Variants in SLC38A10 observed in about 807,000 individuals in gnomAD.
SLC38A10 encodes the protein Sodium-coupled neutral amino acid transporter 10.
In SLC38A10, 53 loss-of-function variants were observed where a neutral mutation model predicts 81.0. The observed-to-expected ratio is 0.65, with a 90% confidence interval of 0.53 to 0.82. The LOEUF is 0.82. Among genes scored for constraint, SLC38A10 ranks in the 40% least tolerant of loss-of-function variants. The probability of loss-of-function intolerance (pLI) is 0.00; values close to 1 mark genes in which losing one functional copy is unlikely to be tolerated. For synonymous variants in SLC38A10, 665 were observed against 655.3 expected (o/e 1.01, Z -0.23); for missense variants, 1,471 against 1,545.0 (o/e 0.95, Z 0.80).
In SLC38A10 at chr17:81,276,148, C is replaced by T; in HGVS notation, c.733G>A (p.Gly245Arg). The change falls in exon 8 of 16, where the codon GGG becomes AGG. Residue 245 changes from glycine to arginine, a missense_variant. By Grantham distance (125) the Gly-to-Arg change is moderately radical (BLOSUM62 -2). Around this residue, in one of 2 missense-constraint regions of SLC38A10, gnomAD observed 720 missense variants for 827.7 expected, o/e 0.87. Coordinates refer to ENST00000374759, the MANE Select transcript of SLC38A10 (RefSeq NM_001037984.3). The surrounding 1 kb of genome is among the most constrained non-coding windows in gnomAD (Gnocchi z 4.7). Reference protein sequence around the residue: ...NVVTTFYVMVGFFGYVSFTEA... With the variant: ...NVVTTFYVMVRFFGYVSFTEA... ...GTGAAGCTGACGTAGCCGAAAAACC[C>T]CACCTGTTGGAGAATAAGAAATGGC... is the stretch of plus-strand genomic sequence containing the variant. 3 of 1,609,694 alleles carry T rather than the reference C, an allele frequency of 1.9e-6. No homozygotes were observed. The highest frequency in any genetic ancestry group is 1.7e-6 in the Non-Finnish European group (2 of 1,177,280).
chr17:81,274,895 G>C (rs771951040), intron 8 of SLC38A10, among the ~76,000 whole-genome samples: 11 of 152,168 alleles, frequency 7.2e-5, no homozygotes, highest in Non-Finnish European at 1.3e-4. Flanking sequence ...AAAAAACCCA[G>C]CCTCACTTTT....
chr17:81,248,524 G>A (rs559241833), intron 14 of SLC38A10, among the ~76,000 whole-genome samples: 4 of 152,388 alleles, frequency 2.6e-5, no homozygotes, highest in Admixed American at 2.0e-4. Context: ...TGCCGCAAGC[G>A]GCTGTGACTT....
At position 81,245,349 on chromosome 17, in the gene SLC38A10, C is replaced by G. The variant is rs1407050871; in HGVS notation, c.*207G>C. On this transcript the variant is annotated 3_prime_UTR_variant, in exon 16 of 16. Coordinates refer to ENST00000374759, the MANE Select transcript of SLC38A10 (RefSeq NM_001037984.3). ...AGGTCAGAGGACCTCAGACTAAGAG[C>G]TGCAACAGAACGACAGCAAGAACAT... 6 of 624,430 alleles carry G rather than the reference C, an allele frequency of 9.6e-6. No homozygotes were observed. In the East Asian group the frequency reaches 1.6e-4, roughly 16 times the overall value. 38.7% of individuals were successfully genotyped at this position (624,430 alleles called of 1,614,324 possible).
chr17:81,252,982 G>T, intron 12 of SLC38A10, 91 bp downstream of exon 12: 2 of 1,477,028 alleles, frequency 1.4e-6, no homozygotes, highest in Non-Finnish European at 1.8e-6. Context: ...GATACACACA[G>T]CCCTGAGAGC....
At chr17:81,285,189 C>G (rs2063253120) in intron 2 of SLC38A10, 1 of 292,590 alleles carries the variant, frequency 3.4e-6, no homozygotes, top group African/African-American at 2.2e-5. Context: ...GCAGTCCTCC[C>G]ACCCGGTGAC....
chr17:81,276,235 G>T lies in SLC38A10; in HGVS notation c.730-84C>A, dbSNP rs1347083856. On this transcript the variant is annotated intron_variant, in intron 7 of 15. Coordinates refer to ENST00000374759, the MANE Select transcript of SLC38A10 (RefSeq NM_001037984.3). This position sits in a 1 kb window ranked among gnomAD's most constrained non-coding sequence, Gnocchi z 4.7. ...GTCACAGTGGGCAGGGCATGGGGGG[G>T]ACCTGTGCCCTGCCCCCCAGAATGG... is the stretch of plus-strand genomic sequence containing the variant. 1.5e-6 allele frequency: 2 copies of T among 1,313,300 alleles called. No individual in the cohort carries two copies. Among genetic ancestry groups the T allele is most frequent in the African/African-American group, 1.5e-5 (1 of 67,182 alleles). The allele number at this position is 1,313,300 out of a possible 1,614,324, so 81.4% of individuals were successfully genotyped here.
At chr17:81,251,904 T>A in intron 13 of SLC38A10, 1 of 518,522 alleles carries the variant, frequency 1.9e-6, no homozygotes, top group Non-Finnish European at 3.2e-6. Flanking sequence ...GTGTTACCTG[T>A]CAGGCGCCCC....
rs568957528 is a variant in SLC38A10, at chr17:81,267,305, G to T, written c.1131+3613C>A. 2.2e-4 allele frequency among the ~76,000 whole-genome samples: 33 copies of T among 152,144 alleles called. No individual in the cohort carries two copies. The South Asian group carries it at 3.7e-3, about 17-fold the overall frequency. On this transcript the variant is annotated intron_variant, in intron 10 of 15. Transcript: ENST00000374759. ...CAAAATAAAATACAGGTAGATCAAAGATTTAAATTAAAAAAATGAAGTCAT... is the reference window on the plus strand; with the variant it reads ...CAAAATAAAATACAGGTAGATCAAATATTTAAATTAAAAAAATGAAGTCAT...
chr17:81,252,305 G>A lies in SLC38A10; in HGVS notation c.1835C>T (p.Ser612Phe), dbSNP rs1434801325. 9 of 1,611,986 alleles carry A rather than the reference G, an allele frequency of 5.6e-6. No individual in the cohort carries two copies. Among genetic ancestry groups the A allele is most frequent in the Non-Finnish European group, 6.8e-6 (8 of 1,179,282 alleles). ...GLHPRPQAVL[S>F]EQQNGLAVGG... ...CACCGCCAGGCCGTTCTGCTGCTCA[G>A]ACAGCACTGCCTGGGGCCGAGGATG... The change falls in exon 13 of 16, where the codon TCT (serine) becomes TTT (phenylalanine). Residue 612 changes from serine to phenylalanine, a missense_variant. Coordinates refer to ENST00000374759, the MANE Select transcript of SLC38A10 (RefSeq NM_001037984.3).
chr17:81,269,494 C>T (rs921351683), intron 10 of SLC38A10, among the ~76,000 whole-genome samples: 3 of 152,030 alleles, frequency 2.0e-5, no homozygotes, highest in Non-Finnish European at 2.9e-5. Flanking sequence ...GGCTGACACA[C>T]GTGGACGTGT....
chr17:81,280,879 CTGTGCCGCCT>C (rs78281304), intron 5 of SLC38A10, 146 bp from the exon 6 acceptor site: 131,690 of 1,230,562 alleles, frequency 0.11, 9,476 homozygotes, highest in Middle Eastern at 0.14. Context: ...CTGTGCCGCC[CTGTGCCGCCT>C]TGTGCCGCCA....
In SLC38A10 at chr17:81,280,731, G is replaced by T; in HGVS notation, c.504C>A (p.Ile168=). Residue 168 remains isoleucine (I), a splice_region_variant and synonymous_variant, in exon 6 of 16, where the codon ATC becomes ATA. Transcript: ENST00000374759. Reference sequence around the variant, plus strand: ...GGCCGTGCTTGAGAGAGGAGAGCACGATCTGCAGAGGGAGAGGGGAGAGAG... The same window carrying T: ...GGCCGTGCTTGAGAGAGGAGAGCACTATCTGCAGAGGGAGAGGGGAGAGAG... ...LLFYTVFMFV[I]VLSSLKHGLF... The T allele has an allele frequency of 1.2e-6, 2 of 1,611,714 alleles. No individual in the cohort carries two copies. Among genetic ancestry groups the T allele is most frequent in the East Asian group, 2.2e-5 (1 of 44,832 alleles).
rs2063107698 is a variant in SLC38A10 at position 81,270,737 on chromosome 17, C to T, written c.1131+181G>A. On this transcript the variant is annotated intron_variant, in intron 10 of 15. Coordinates refer to ENST00000374759, the MANE Select transcript of SLC38A10 (RefSeq NM_001037984.3). This position sits in a 1 kb window ranked among gnomAD's most constrained non-coding sequence, Gnocchi z 4.0. ...TTAGTGTGGCCCTGCTGGGCAAAGACCGTGCGTCCTGGTGAACCCAGGGTT... is the reference window on the plus strand; with the variant it reads ...TTAGTGTGGCCCTGCTGGGCAAAGATCGTGCGTCCTGGTGAACCCAGGGTT... Among the ~76,000 whole-genome samples the T allele has an allele frequency of 6.6e-6, 1 of 152,220 alleles. No homozygotes were observed. Among genetic ancestry groups the T allele is most frequent in the South Asian group, 2.1e-4 (1 of 4,836 alleles).
Position 81,280,856 on chromosome 17 carries a change from G to A in SLC38A10, c.502-123C>T, listed in dbSNP as rs1290638183. ...TGCAGCTCTTCCCACCCACATCCCA[G>A]CCCCCCACCACCCTGTGCCGCCCTG... is the stretch of plus-strand genomic sequence containing the variant. On this transcript the variant is annotated intron_variant, in intron 5 of 15. Coordinates refer to ENST00000374759, the MANE Select transcript of SLC38A10 (RefSeq NM_001037984.3). The A allele has an allele frequency of 6.1e-5, 83 of 1,360,176 alleles. No homozygotes were observed. The Admixed American group carries it at 8.3e-4, about 14-fold the overall frequency. The allele number at this position is 1,360,176 out of a possible 1,614,324, so 84.3% of individuals were successfully genotyped here. A position where few individuals can be genotyped will look rare whatever the true frequency, so the allele number is the denominator to read the frequency against.
rs745574340 is a variant in SLC38A10, at chr17:81,276,461, G to A, written c.730-310C>T. On this transcript the variant is annotated intron_variant, in intron 7 of 15. Transcript: ENST00000374759. The surrounding 1 kb of genome is among the most constrained non-coding windows in gnomAD (Gnocchi z 4.7). ...AGTGCAGTGGTGCGATCTTGGCCTCGGCGTACCTCTGCCTCCCCGGTCCTG... is the reference window on the plus strand; with the variant it reads ...AGTGCAGTGGTGCGATCTTGGCCTCAGCGTACCTCTGCCTCCCCGGTCCTG... Among the ~76,000 whole-genome samples, 4 of 149,748 alleles carry A rather than the reference G, an allele frequency of 2.7e-5. No homozygotes were observed. The highest frequency in any genetic ancestry group is 4.4e-5 in the Non-Finnish European group (3 of 67,694).
In SLC38A10 at chr17:81,289,257, G is replaced by A. The variant is rs1239230030; in HGVS notation, c.217+434C>T. 6.6e-6 allele frequency among the ~76,000 whole-genome samples: 1 copy of A among 152,062 alleles called. No individual in the cohort carries two copies. Among genetic ancestry groups the A allele is most frequent in the Non-Finnish European group, 1.5e-5 (1 of 68,024 alleles). ...GGGTTTCACCATGTTGTCCAGGCTC[G>A]TCTCGAACTCCTGACCTCAAATAAT... On this transcript the variant is annotated intron_variant, in intron 2 of 15. Transcript: ENST00000374759. The surrounding 1 kb of genome is among the most constrained non-coding windows in gnomAD (Gnocchi z 5.9).
At position 81,246,243 on chromosome 17, in the gene SLC38A10, G is replaced by A; in HGVS notation, c.2673C>T (p.Asp891=). 2 of 1,612,728 alleles carry A rather than the reference G, an allele frequency of 1.2e-6. No individual in the cohort carries two copies. Among genetic ancestry groups the A allele is most frequent in the Non-Finnish European group, 1.7e-6 (2 of 1,179,944 alleles). ...QSQDVTGGSQ[D]RKKPGKEVAA... ...CCACCTCCTTCCCAGGTTTTTTCCT[G>A]TCTTGGGAACCGCCAGTAACGTCCT... Residue 891 remains aspartate, a synonymous_variant, in exon 16 of 16, where the codon GAC becomes GAT. Coordinates refer to ENST00000374759, the MANE Select transcript of SLC38A10 (RefSeq NM_001037984.3).
chr17:81,261,675 T>C (rs575600520), intron 10 of SLC38A10, among the ~76,000 whole-genome samples: 40 of 152,286 alleles, frequency 2.6e-4, no homozygotes, highest in Non-Finnish European at 4.6e-4. Context: ...CCCGGAAACA[T>C]TGGGCTGGTG....
At chr17:81,255,526 C>G (rs1239998445) in intron 11 of SLC38A10, among the ~76,000 whole-genome samples, 1 of 152,190 alleles carries the variant, frequency 6.6e-6, no homozygotes, top group African/African-American at 2.4e-5. Context: ...CTGAGCTCCT[C>G]GGGAGGGAGG....
Sources: gnomAD v4.1 joint callset for allele counts (sites outside exome capture counted in the v4.1 genomes callset) on GRCh38, gnomAD v4.1.1 for gene constraint, gnomAD v4.1.1 regional missense constraint, Gnocchi (gnomAD v3.1) non-coding constraint, MANE v1.5 for transcripts, NCBI Gene and HGNC (gene_info 2026-07-23, HGNC 2026-07-21) for gene names.